The following EFCAB6 variants were observed in gnomAD, a reference collection of about 807,000 sequenced individuals.
The protein encoded by EFCAB6 is EF-hand calcium binding domain 6.
Under a neutral mutation model 169.8 loss-of-function variants are expected in EFCAB6, and 156 were observed. That is an observed-to-expected ratio of 0.92 (90% confidence interval 0.81 to 1.05). EFCAB6 has a LOEUF of 1.05. EFCAB6 is among the 50% of genes least tolerant of loss of function. The probability of loss-of-function intolerance (pLI) is 0.00; values close to 1 mark genes in which losing one functional copy is unlikely to be tolerated. For synonymous variants in EFCAB6, 698 were observed against 676.4 expected (o/e 1.03, Z -0.50); for missense variants, 1,800 against 1,829.1 (o/e 0.98, Z 0.29).
At chr22:43,612,575 C>T (rs781385582) in intron 21 of EFCAB6, among the ~76,000 whole-genome samples, 6 of 152,160 alleles carry the variant, frequency 3.9e-5, no homozygotes, top group Non-Finnish European at 8.8e-5. Context: ...GAGATACCAT[C>T]TCACACCAGT....
At chr22:43,664,435 G>A (rs993277679) in intron 17 of EFCAB6, among the ~76,000 whole-genome samples, 1 of 152,222 alleles carries the variant, frequency 6.6e-6, no homozygotes, top group Non-Finnish European at 1.5e-5. Flanking sequence ...CAAGCAAACA[G>A]ACAGAATGCA....
intron 21 of EFCAB6, among the ~76,000 whole-genome samples, chr22:43,609,767 A>C (rs1282738040): frequency 2.0e-5 from 3 of 152,260 alleles, no homozygotes; most frequent in African/African-American, 7.2e-5. Context: ...CTTGAAGAAC[A>C]AGGTAGAGGG....
At chr22:43,780,840 C>A (rs949321398) in intron 3 of EFCAB6, among the ~76,000 whole-genome samples, 1 of 152,014 alleles carries the variant, frequency 6.6e-6, no homozygotes, top group African/African-American at 2.4e-5. Flanking sequence ...CCTGAGTGTC[C>A]AGCATGACTG....
chr22:43,626,307 T>C (rs2054515123), intron 20 of EFCAB6, 140 bp downstream of exon 20: 4 of 824,468 alleles, frequency 4.9e-6, no homozygotes, highest in African/African-American at 1.7e-5. Context: ...ATTTCTTGTA[T>C]GACTTTTTCT....
intron 17 of EFCAB6, among the ~76,000 whole-genome samples, chr22:43,638,741 T>C (rs1252070687): frequency 2.0e-5 from 3 of 152,202 alleles, no homozygotes; most frequent in Non-Finnish European, 2.9e-5. Context: ...CCACTTTACA[T>C]AGAATGTAGA....
At chr22:43,663,704 C>A (rs2057113847) in intron 17 of EFCAB6, among the ~76,000 whole-genome samples, 1 of 152,180 alleles carries the variant, frequency 6.6e-6, no homozygotes, top group Non-Finnish European at 1.5e-5. Flanking sequence ...GTGTCTCCCC[C>A]AAATTCATAT....
chr22:43,724,275 CCTTTA>C (rs1418687215), intron 8 of EFCAB6, among the ~76,000 whole-genome samples: 1 of 152,130 alleles, frequency 6.6e-6, no homozygotes, highest in African/African-American at 2.4e-5. Context: ...AAAAGGATGG[CCTTTA>C]CTTTAGCTTC....
At chr22:43,785,028 A>G (rs1434368909) in intron 2 of EFCAB6, among the ~76,000 whole-genome samples, 1 of 152,184 alleles carries the variant, frequency 6.6e-6, no homozygotes, top group Non-Finnish European at 1.5e-5. Context: ...GAGCCCCAAT[A>G]TACGTGAAGC....
chr22:43,692,993 G>C (rs2058461365), intron 10 of EFCAB6, among the ~76,000 whole-genome samples: 1 of 152,080 alleles, frequency 6.6e-6, no homozygotes, highest in Non-Finnish European at 1.5e-5. Context: ...AATGCAATAA[G>C]AGAAAAGTGA....
At chr22:43,530,485 T>TG (rs1467883241) in intron 31 of EFCAB6, 7 of 973,176 alleles carry the variant, frequency 7.2e-6, no homozygotes, top group Non-Finnish European at 7.3e-6. Context: ...AGAGCCCAGG[T>TG]GTGGGGAGAG....
chr22:43,784,543 G>GTATGTATATATACACATA (rs2061955320), intron 2 of EFCAB6, among the ~76,000 whole-genome samples: 4 of 75,520 alleles, frequency 5.3e-5, no homozygotes, highest in East Asian at 6.6e-4. Context: ...GTGTGTGTGT[G>GTATGTATATATACACATA]TATATGTATA....
At chr22:43,612,848 C>A (rs1012749434) in intron 21 of EFCAB6, among the ~76,000 whole-genome samples, 9 of 150,666 alleles carry the variant, frequency 6.0e-5, no homozygotes, top group African/African-American at 2.2e-4. Flanking sequence ...GAGCCTAGAT[C>A]ATGCCACTGC....
intron 9 of EFCAB6, among the ~76,000 whole-genome samples, chr22:43,714,934 C>T (rs1014402952): frequency 2.0e-4 from 30 of 152,068 alleles, no homozygotes; most frequent in Non-Finnish European, 4.4e-4. Flanking sequence ...GTCAAAACAA[C>T]AGGGGGAATT....
rs2062491126 is a variant in EFCAB6 at position 43,795,928 on chromosome 22, TTCA to T, written c.-8+13064_-8+13066del. Among the ~76,000 whole-genome samples, 1 of 142,218 alleles carries T rather than the reference TTCA, an allele frequency of 7.0e-6. No homozygotes were observed. The highest frequency in any genetic ancestry group is 1.5e-5 in the Non-Finnish European group (1 of 65,388). The allele number at this position is 142,218 out of a possible 152,430, so 93.3% of individuals were successfully genotyped here. A position where few individuals can be genotyped will look rare whatever the true frequency, so the allele number is the denominator to read the frequency against. Reference sequence around the variant, plus strand: ...CATACACCACACACACACACACCCCTTCATCACACACGTACCACACACAACTCA... The same window carrying T: ...CATACACCACACACACACACACCCCTTCACACACGTACCACACACAACTCA... On this transcript the variant is annotated intron_variant, in intron 2 of 31. Transcript: ENST00000262726. This position sits in a 1 kb window ranked among gnomAD's most constrained non-coding sequence, Gnocchi z 4.2.
chr22:43,736,439 A>AT (rs2060140297), intron 6 of EFCAB6, among the ~76,000 whole-genome samples: 1 of 152,210 alleles, frequency 6.6e-6, no homozygotes, highest in African/African-American at 2.4e-5. Context: ...TTTTTTAAAG[A>AT]TATCACAGGA....
At chr22:43,707,095 C>A (rs951838845) in intron 10 of EFCAB6, among the ~76,000 whole-genome samples, 3 of 152,072 alleles carry the variant, frequency 2.0e-5, no homozygotes, top group Non-Finnish European at 4.4e-5. Context: ...TAATAGCAAC[C>A]CTGAAATCTA....
chr22:43,629,123 A>AGGTGTGAGGGCCAGGTG (rs2054739973), intron 19 of EFCAB6, among the ~76,000 whole-genome samples: 3 of 152,300 alleles, frequency 2.0e-5, no homozygotes, highest in South Asian at 2.1e-4. Context: ...GCAGGGACAG[A>AGGTGTGAGGGCCAGGTG]GGTGTGAGGG....
intron 24 of EFCAB6, among the ~76,000 whole-genome samples, chr22:43,586,168 A>G (rs1386858752): frequency 6.6e-6 from 1 of 152,062 alleles, no homozygotes; most frequent in African/African-American, 2.4e-5. Flanking sequence ...GTGTTGGGTG[A>G]TTAAAAGCAC....
intron 17 of EFCAB6, among the ~76,000 whole-genome samples, chr22:43,641,734 C>T (rs939212454): frequency 2.6e-5 from 4 of 152,020 alleles, no homozygotes; most frequent in East Asian, 1.9e-4. Flanking sequence ...AGCTCCTCAA[C>T]GGGTGGTGCA....
Sources: gnomAD v4.1 joint callset for allele counts (sites outside exome capture counted in the v4.1 genomes callset) on GRCh38, gnomAD v4.1.1 for gene constraint, Gnocchi (gnomAD v3.1) non-coding constraint, MANE v1.5 for transcripts, NCBI Gene and HGNC (gene_info 2026-07-23, HGNC 2026-07-21) for gene names.